CFHR4: variants seen among roughly 807,000 people sequenced by gnomAD.
CFHR4 encodes the protein complement factor H related 4, also known as complement factor H-related protein 4.
In CFHR4, 64 loss-of-function variants were observed where a neutral mutation model predicts 69.3. The observed-to-expected ratio is 0.92, with a 90% confidence interval of 0.76 to 1.14. The LOEUF (loss-of-function observed/expected upper bound fraction) is 1.14. CFHR4 is among the 50% of genes most tolerant of loss of function. The probability of loss-of-function intolerance (pLI) is 0.00; values close to 1 mark genes in which losing one functional copy is unlikely to be tolerated. For synonymous variants in CFHR4, 244 were observed against 237.0 expected, an observed-to-expected ratio of 1.03 and a Z score of -0.27; for missense variants, 636 against 684.9, an observed-to-expected ratio of 0.93 and a Z score of 0.80.
At position 196,914,507 on chromosome 1, in the gene CFHR4, T is replaced by G. The variant is rs745879615; in HGVS notation, c.1193T>G (p.Met398Arg). Residue 398 changes from methionine to arginine, a missense_variant, in exon 8 of 10, where the codon ATG becomes AGG. Transcript: ENST00000608469. The part of the protein sequence containing the change: ...AQPICIKFCD[M>R]PVFENSRAKS... Reference sequence around the variant, plus strand: ...TATTTTGTTTCAGAATTTTGTGATATGCCTGTTTTTGAGAATTCCAGAGCC... The same window carrying G: ...TATTTTGTTTCAGAATTTTGTGATAGGCCTGTTTTTGAGAATTCCAGAGCC... 2.6e-5 allele frequency: 42 copies of G among 1,605,828 alleles called. No individual in the cohort carries two copies. The highest frequency in any genetic ancestry group is 3.4e-5 in the Non-Finnish European group (40 of 1,176,930).
In CFHR4 at chr1:196,912,515, A is replaced by T. The variant is rs188054458; in HGVS notation, c.998-225A>T. 3.1e-4 allele frequency among the ~76,000 whole-genome samples: 47 copies of T among 151,362 alleles called. 2 individuals are homozygous for T. The East Asian group carries it at 9.1e-3, about 29-fold the overall frequency. On this transcript the variant is annotated intron_variant, in intron 6 of 9. Coordinates refer to ENST00000608469, the MANE Select transcript of CFHR4 (RefSeq NM_001201550.3). ...CAGAGCTCTGTTGACAGTCTCAAGG[A>T]TTCTTTGCTTTTATTCTGCCCTTCC...
At chr1:196,898,851 T>C (rs1367388170) in intron 1 of CFHR4, among the ~76,000 whole-genome samples, 2 of 151,418 alleles carry the variant, frequency 1.3e-5, no homozygotes, top group Non-Finnish European at 2.9e-5. Context: ...CAGATTTTGG[T>C]AGGAGGTCCC....
chr1:196,917,824 T>C (rs541280865), intron 9 of CFHR4, among the ~76,000 whole-genome samples: 2 of 151,780 alleles, frequency 1.3e-5, no homozygotes, highest in African/African-American at 4.8e-5. Context: ...TTTGGAGTGC[T>C]TGTAGTCACG....
At chr1:196,902,753 T>A (rs560939847) in intron 2 of CFHR4, 138 bp downstream of exon 2, 2 of 605,538 alleles carry the variant, frequency 3.3e-6, no homozygotes, top group South Asian at 2.7e-5. Flanking sequence ...CCAAAATGGA[T>A]CTTTTTTGTT....
At chr1:196,901,574 T>C (rs1301744026) in intron 1 of CFHR4, among the ~76,000 whole-genome samples, 2 of 151,338 alleles carry the variant, frequency 1.3e-5, no homozygotes, top group African/African-American at 4.9e-5. Context: ...TCATATTTCA[T>C]AGAAAAAATG....
At chr1:196,912,545 GTCT>G (rs1658332458) in intron 6 of CFHR4, among the ~76,000 whole-genome samples, 192 bp from the exon 7 acceptor site, 1 of 151,036 alleles carries the variant, frequency 6.6e-6, no homozygotes, top group Non-Finnish European at 1.5e-5. Context: ...CCTTCCCTGT[GTCT>G]TCAACATTTC....
chr1:196,912,260 A>C (rs1356885803), intron 6 of CFHR4, among the ~76,000 whole-genome samples: 1 of 151,378 alleles, frequency 6.6e-6, no homozygotes, highest in East Asian at 1.9e-4. Flanking sequence ...CCCACTTAAG[A>C]TGACGACCAC....
At chr1:196,896,432 G>C (rs1473800757) in intron 1 of CFHR4, among the ~76,000 whole-genome samples, 1 of 151,470 alleles carries the variant, frequency 6.6e-6, no homozygotes. Context: ...CCAAGGGGAG[G>C]GGCTTGCAAC....
intron 1 of CFHR4, 97 bp from the exon 2 acceptor site, chr1:196,902,321 C>G: frequency 1.1e-6 from 1 of 885,854 alleles, no homozygotes; most frequent in South Asian, 1.8e-5. Flanking sequence ...ATTCATTACA[C>G]TAAGAAGAGA....
chr1:196,905,335 C>A, intron 3 of CFHR4, 45 bp downstream of exon 3: 1 of 1,605,422 alleles, frequency 6.2e-7, no homozygotes, highest in Non-Finnish European at 8.5e-7. Context: ...CAACTTCTTT[C>A]CTCTCTTTGA....
chr1:196,901,862 T>C (rs1465708289), intron 1 of CFHR4, among the ~76,000 whole-genome samples: 2 of 151,528 alleles, frequency 1.3e-5, no homozygotes, highest in Non-Finnish European at 2.9e-5. Context: ...GAAATATTCC[T>C]AGTTCATTTT....
intron 1 of CFHR4, among the ~76,000 whole-genome samples, chr1:196,888,760 C>T (rs1276977717): frequency 6.6e-6 from 1 of 151,290 alleles, no homozygotes; most frequent in Non-Finnish European, 1.5e-5. Flanking sequence ...ATGTAAATCA[C>T]AACATATATG....
chr1:196,917,628 TAGAG>T (rs1461408600), intron 9 of CFHR4, among the ~76,000 whole-genome samples: 5 of 151,130 alleles, frequency 3.3e-5, no homozygotes, highest in African/African-American at 4.9e-5. Flanking sequence ...ATGATGGTGA[TAGAG>T]AGAGAGATAA....
intron 1 of CFHR4, among the ~76,000 whole-genome samples, chr1:196,900,882 G>A (rs533629179): frequency 6.6e-6 from 1 of 151,562 alleles, no homozygotes; most frequent in East Asian, 1.9e-4. Context: ...TGAGAGATAT[G>A]GATATAGGCC....
At chr1:196,906,627 T>A (rs1017689103) in intron 3 of CFHR4, among the ~76,000 whole-genome samples, 1 of 151,464 alleles carries the variant, frequency 6.6e-6, no homozygotes, top group Admixed American at 6.6e-5. Flanking sequence ...ATAGTCTTAA[T>A]ATGTTTTTCA....
Position 196,914,103 on chromosome 1 carries a change from G to T in CFHR4, c.1181-392G>T, listed in dbSNP as rs192630189. Among the ~76,000 whole-genome samples the T allele has an allele frequency of 3.8e-3, 576 of 151,264 alleles. 20 individuals carry two copies. Among genetic ancestry groups the T allele is most frequent in the African/African-American group, 0.014 (560 of 41,054 alleles). ...TCTAATATATACACCCTTACTGTTA[G>T]TAAATCGTTACATAACTACATAAAT... On this transcript the variant is annotated intron_variant, in intron 7 of 9. Transcript: ENST00000608469.
At chr1:196,913,288 T>C (rs1193540568) in intron 7 of CFHR4, among the ~76,000 whole-genome samples, 2 of 151,552 alleles carry the variant, frequency 1.3e-5, no homozygotes, top group African/African-American at 4.9e-5. Flanking sequence ...TTGCATTCCT[T>C]GCTCACACTC....
rs747118317 is a variant in CFHR4 at position 196,912,946 on chromosome 1, T to C, written c.1180+24T>C. ...TAGTAAGTGATTTACATATTCCCAT[T>C]CAGTTTCTGTCAACTTCGTTCCTCT... is the stretch of plus-strand genomic sequence containing the variant. On this transcript the variant is annotated intron_variant, in intron 7 of 9. Transcript: ENST00000608469. The C allele has an allele frequency of 5.0e-6, 8 of 1,610,774 alleles. No individual in the cohort carries two copies. In the Admixed American group the frequency reaches 1.3e-4, roughly 27 times the overall value.
Position 196,897,694 on chromosome 1 carries a change from TTCTC to T in CFHR4, c.59-4720_59-4717del, listed in dbSNP as rs1178841426. Among the ~76,000 whole-genome samples, 13 of 151,562 alleles carry T rather than the reference TTCTC, an allele frequency of 8.6e-5. 1 individual carries two copies. In the East Asian group the frequency reaches 2.1e-3, roughly 25 times the overall value. On this transcript the variant is annotated intron_variant, in intron 1 of 9. Coordinates refer to ENST00000608469, the MANE Select transcript of CFHR4 (RefSeq NM_001201550.3). ...CCTCGGCATCCAGACATTCCTGCTC[TTCTC>T]TCTTTCTCTGCTGCCTTGTTCCGCT...
Sources: gnomAD v4.1 joint callset for allele counts (sites outside exome capture counted in the v4.1 genomes callset) on GRCh38, gnomAD v4.1.1 for gene constraint, MANE v1.5 for transcripts, NCBI Gene and HGNC (gene_info 2026-07-23, HGNC 2026-07-21) for gene names.